LCORL: variants seen among roughly 807,000 people sequenced by gnomAD.
The protein encoded by LCORL is ligand dependent nuclear receptor corepressor like, also known as ligand-dependent nuclear receptor corepressor-like protein.
LCORL carries 41 observed loss-of-function variants against 141.8 expected under a neutral mutation model. The ratio of observed to expected loss-of-function variants is 0.29; its 90% CI spans 0.23 to 0.38. LCORL has a LOEUF of 0.38. Among genes scored for constraint, LCORL ranks in the 10% least tolerant of loss-of-function variants. The pLI, the probability that LCORL is intolerant of heterozygous loss-of-function variation, is 1.00. For synonymous variants in LCORL, 618 were observed against 694.1 expected (o/e 0.89, Z 1.72); for missense variants, 1,759 against 2,035.0 (o/e 0.86, Z 2.61).
intron 4 of LCORL, among the ~76,000 whole-genome samples, chr4:17,921,307 C>A (rs1416462916): frequency 1.3e-5 from 2 of 152,112 alleles, no homozygotes; most frequent in Non-Finnish European, 2.9e-5. Context: ...AGATTACAGG[C>A]GTTGAGCCAC....
chr4:17,979,040 C>T (rs1717510818), intron 1 of LCORL, among the ~76,000 whole-genome samples: 1 of 152,174 alleles, frequency 6.6e-6, no homozygotes, highest in East Asian at 1.9e-4. Flanking sequence ...AATGCTATCC[C>T]TCCCCCATTG....
At chr4:17,852,256 A>G (rs1723820133) in intron 7 of LCORL, among the ~76,000 whole-genome samples, 1 of 151,424 alleles carries the variant, frequency 6.6e-6, no homozygotes, top group African/African-American at 2.4e-5. Context: ...AAGCTCAGCA[A>G]TAGTATGTAT....
chr4:17,884,644 A>T lies in LCORL; in HGVS notation c.776+1424T>A, dbSNP rs914264976. 2 of 1,547,570 alleles carry T rather than the reference A, an allele frequency of 1.3e-6. No homozygotes were observed. Among genetic ancestry groups the T allele is most frequent in the Admixed American group, 4.0e-5 (2 of 49,980 alleles). ...GTATGCCATAAAGTATGCCTGCTTT[A>T]TTTATGTCCAGTGCTCCAGACTGAA... is the stretch of plus-strand genomic sequence containing the variant. On this transcript the variant is annotated intron_variant, in intron 6 of 7. Transcript: ENST00000635767. This position sits in a 1 kb window ranked among gnomAD's most constrained non-coding sequence, Gnocchi z 4.4.
chr4:17,902,646 C>T (rs1212978040), intron 5 of LCORL, among the ~76,000 whole-genome samples: 1 of 152,074 alleles, frequency 6.6e-6, no homozygotes, highest in African/African-American at 2.4e-5. Context: ...CTACCTTAAT[C>T]ACAGCCAAGA....
intron 4 of LCORL, among the ~76,000 whole-genome samples, chr4:17,946,582 C>T (rs113803832): frequency 6.6e-6 from 1 of 151,770 alleles, no homozygotes; most frequent in African/African-American, 2.4e-5. Flanking sequence ...GTATTCCTTG[C>T]CTTTAAGGAG....
chr4:17,850,941 T>C (rs1326973558), intron 7 of LCORL, among the ~76,000 whole-genome samples: 1 of 148,572 alleles, frequency 6.7e-6, no homozygotes, highest in South Asian at 2.2e-4. Flanking sequence ...TGGAATACTA[T>C]GCAGCCATAA....
exon 7 of LCORL, chr4:17,874,497 T>C: frequency 8.1e-7 from 1 of 1,233,876 alleles, no homozygotes; most frequent in East Asian, 3.2e-5. Context: ...ATCATACTTT[T>C]TCTGAAAAAG....
intron 1 of LCORL, among the ~76,000 whole-genome samples, chr4:18,004,700 C>T (rs972779795): frequency 1.4e-4 from 22 of 152,272 alleles, no homozygotes; most frequent in Middle Eastern, 3.4e-3. Context: ...GCAGTCCCCC[C>T]GCAAAGTCAT....
intron 1 of LCORL, among the ~76,000 whole-genome samples, chr4:17,998,704 T>C (rs1020696897): frequency 1.3e-5 from 2 of 151,902 alleles, no homozygotes; most frequent in African/African-American, 2.4e-5. Flanking sequence ...ATGGTGTTCA[T>C]GCCTGTAATC....
chr4:17,957,629 A>AT (rs1712941649), intron 4 of LCORL, among the ~76,000 whole-genome samples: 1 of 151,874 alleles, frequency 6.6e-6, no homozygotes, highest in African/African-American at 2.4e-5. Flanking sequence ...TAAAAGGGAG[A>AT]TTTTTATCAG....
chr4:17,895,412 T>C (rs1729765226), intron 5 of LCORL, among the ~76,000 whole-genome samples: 1 of 152,186 alleles, frequency 6.6e-6, no homozygotes, highest in African/African-American at 2.4e-5. Flanking sequence ...CATATTGTAT[T>C]TGTCCTACTG....
rs1047973172 is a variant in LCORL at position 17,874,267 on chromosome 4, G to A, written c.4723C>T (p.His1575Tyr). 7.3e-6 allele frequency: 9 copies of A among 1,233,734 alleles called. No individual in the cohort carries two copies. In the Admixed American group the frequency reaches 2.1e-4, roughly 29 times the overall value. 76.4% of individuals were successfully genotyped at this position (1,233,734 alleles called of 1,614,324 possible). Reference sequence around the variant, plus strand: ...AAGAGTGGAGAGTTAGCCACTTTATGCAGTATATGCAATTTCTCTGCTGAT... The same window carrying A: ...AAGAGTGGAGAGTTAGCCACTTTATACAGTATATGCAATTTCTCTGCTGAT... The change falls in exon 7 of 8, where the codon CAT becomes TAT. Residue 1575 changes from histidine (H) to tyrosine (Y), a missense_variant. Physicochemically the swap from His to Tyr is moderately conservative, Grantham distance 83. Transcript: ENST00000635767.
At position 17,884,574 on chromosome 4, in the gene LCORL, T is replaced by C. The variant is rs998854561; in HGVS notation, c.776+1494A>G. ...GTTTTGTTTTTAAAAGATGCAGGCT[T>C]CCCTGCTGGTAAGGCTTCTAAGTGA... is the stretch of plus-strand genomic sequence containing the variant. On this transcript the variant is annotated intron_variant, in intron 6 of 7. Transcript: ENST00000635767. The surrounding 1 kb of genome is among the most constrained non-coding windows in gnomAD (Gnocchi z 4.4). The C allele has an allele frequency of 1.3e-6, 2 of 1,540,210 alleles. No homozygotes were observed. Among genetic ancestry groups the C allele is most frequent in the Non-Finnish European group, 1.7e-6 (2 of 1,143,540 alleles).
chr4:17,936,811 T>G (rs1230501429), intron 4 of LCORL, among the ~76,000 whole-genome samples: 1 of 152,128 alleles, frequency 6.6e-6, no homozygotes, highest in African/African-American at 2.4e-5. Flanking sequence ...GCACAATAAC[T>G]TAGTTTAATT....
chr4:17,996,024 C>T (rs916083326), intron 1 of LCORL, among the ~76,000 whole-genome samples: 10 of 151,984 alleles, frequency 6.6e-5, no homozygotes, highest in Non-Finnish European at 1.5e-4. Context: ...GTTCCAGATA[C>T]TGAATTAATT....
At chr4:17,841,632 C>T (rs1722415987) in exon 8 of LCORL, 1 of 151,906 alleles carries the variant, frequency 6.6e-6, no homozygotes, top group Admixed American at 6.6e-5. Context: ...CATGAGAACA[C>T]CATCCTTTTT....
At chr4:17,993,394 C>T (rs952370326) in intron 1 of LCORL, among the ~76,000 whole-genome samples, 7 of 151,806 alleles carry the variant, frequency 4.6e-5, no homozygotes, top group East Asian at 1.9e-4. Flanking sequence ...TTAGTAGAAG[C>T]GGGTTTCATC....
At chr4:18,002,481 GTTAATA>G (rs1228845732) in intron 1 of LCORL, among the ~76,000 whole-genome samples, 3 of 151,710 alleles carry the variant, frequency 2.0e-5, no homozygotes, top group Non-Finnish European at 4.4e-5. Flanking sequence ...AACAAAAATA[GTTAATA>G]TTAAGCTAAA....
chr4:17,933,907 C>T (rs909180492), intron 4 of LCORL, among the ~76,000 whole-genome samples: 1 of 151,968 alleles, frequency 6.6e-6, no homozygotes, highest in Non-Finnish European at 1.5e-5. Context: ...TCTTTTGTTT[C>T]TACAGGACCC....
Sources: allele counts gnomAD v4.1 joint callset (sites outside exome capture counted in the v4.1 genomes callset), GRCh38; gene constraint gnomAD v4.1.1; non-coding constraint Gnocchi (gnomAD v3.1); transcripts MANE v1.5; gene names NCBI Gene and HGNC (gene_info 2026-07-23, HGNC 2026-07-21).